Variants in CAMSAP1 observed in about 807,000 individuals in gnomAD.
The protein encoded by CAMSAP1 is calmodulin-regulated spectrin-associated protein 1.
In CAMSAP1, 58 loss-of-function variants were observed where a neutral mutation model predicts 143.5. That is an observed-to-expected ratio of 0.40 (90% CI 0.33 to 0.50). CAMSAP1 has a LOEUF of 0.50. CAMSAP1 is among the 20% of genes least tolerant of loss of function. CAMSAP1 has a pLI of 0.45. For missense variants in CAMSAP1, 1,969 were observed against 2,115.7 expected, an observed-to-expected ratio of 0.93 and a Z score of 1.36; for synonymous variants, 945 against 859.3, an observed-to-expected ratio of 1.10 and a Z score of -1.74.
intron 3 of CAMSAP1, among the ~76,000 whole-genome samples, chr9:135,868,851 C>T (rs904022450): frequency 6.6e-6 from 1 of 151,896 alleles, no homozygotes; most frequent in Non-Finnish European, 1.5e-5. Flanking sequence ...ATCCTGACCT[C>T]GTGATCCACC....
Position 135,881,635 on chromosome 9 carries a change from TG to T in CAMSAP1, c.582del (p.Asn194LysfsTer3). On this transcript the variant is annotated frameshift_variant, in exon 3 of 17. Coordinates refer to ENST00000389532, the MANE Select transcript of CAMSAP1 (RefSeq NM_015447.4). LOFTEE classifies it high-confidence loss of function. ...DLEDAMVFWI[N>X]KVNLKMREIT... is the part of the protein sequence containing the mutation. ...CCACATCTAGGCAGGGCACTCACCT[TG>T]TTGATCCAGAACACCATGGCATCCT... is the stretch of plus-strand genomic sequence containing the variant. The T allele has an allele frequency of 6.4e-7, 1 of 1,551,672 alleles. No homozygotes were observed. Among genetic ancestry groups the T allele is most frequent in the Non-Finnish European group, 8.7e-7 (1 of 1,146,976 alleles).
intron 5 of CAMSAP1, among the ~76,000 whole-genome samples, chr9:135,857,417 C>T (rs1448817790): frequency 2.0e-5 from 3 of 152,136 alleles, no homozygotes; most frequent in South Asian, 2.1e-4. Flanking sequence ...TGGTTTTTGG[C>T]GGCTCTTTAG....
intron 3 of CAMSAP1, among the ~76,000 whole-genome samples, chr9:135,875,028 C>T (rs116889310): frequency 1.1e-3 from 163 of 152,152 alleles, no homozygotes; most frequent in Non-Finnish European, 2.0e-3. Flanking sequence ...CTACACAGAA[C>T]GGAGAGAGAT....
At chr9:135,853,128 T>A (rs927045413) in intron 5 of CAMSAP1, among the ~76,000 whole-genome samples, 1 of 152,134 alleles carries the variant, frequency 6.6e-6, no homozygotes, top group Non-Finnish European at 1.5e-5. Flanking sequence ...GAGTCACCAA[T>A]ACGGAGATGT....
At chr9:135,888,121 C>G (rs1170705024) in intron 1 of CAMSAP1, among the ~76,000 whole-genome samples, 1 of 152,218 alleles carries the variant, frequency 6.6e-6, no homozygotes, top group Non-Finnish European at 1.5e-5. Context: ...CCCAGAGTCC[C>G]AGCTTGGCCT....
chr9:135,895,656 A>G (rs1207983852), intron 1 of CAMSAP1, among the ~76,000 whole-genome samples: 1 of 152,242 alleles, frequency 6.6e-6, no homozygotes, highest in Non-Finnish European at 1.5e-5. Flanking sequence ...AGTAAATACA[A>G]CAGACTACCC....
rs898736090 is a variant in CAMSAP1 at position 135,820,744 on chromosome 9, G to A, written c.3822+95C>T. On this transcript the variant is annotated intron_variant, in intron 11 of 16. Coordinates refer to ENST00000389532, the MANE Select transcript of CAMSAP1 (RefSeq NM_015447.4). The surrounding 1 kb of genome is among the most constrained non-coding windows in gnomAD (Gnocchi z 4.4). The stretch of plus-strand genomic sequence containing the variant: ...CCCCTGGCCTCTTACAGGAGCGGCT[G>A]GCCAGCCTGGTGCAGATCTGTGTTC... 9 of 1,484,920 alleles carry A rather than the reference G, an allele frequency of 6.1e-6. No individual in the cohort carries two copies. The highest frequency in any genetic ancestry group is 9.0e-7 in the Non-Finnish European group (1 of 1,106,268). 92.0% of individuals were successfully genotyped at this position (1,484,920 alleles called of 1,614,324 possible). A position where few individuals can be genotyped will look rare whatever the true frequency, so the allele number is the denominator to read the frequency against.
At chr9:135,895,396 A>G (rs1457812298) in intron 1 of CAMSAP1, among the ~76,000 whole-genome samples, 1 of 152,232 alleles carries the variant, frequency 6.6e-6, no homozygotes, top group Non-Finnish European at 1.5e-5. Context: ...TCTCATCTGA[A>G]GCTATGGAGG....
chr9:135,893,341 AAG>A (rs1838348111), intron 1 of CAMSAP1, among the ~76,000 whole-genome samples: 1 of 151,912 alleles, frequency 6.6e-6, no homozygotes, highest in Non-Finnish European at 1.5e-5. Context: ...AAAAACAAAA[AAG>A]AAAAAGAAAA....
chr9:135,893,875 A>C (rs1451154402), intron 1 of CAMSAP1, among the ~76,000 whole-genome samples: 1 of 152,166 alleles, frequency 6.6e-6, no homozygotes, highest in Non-Finnish European at 1.5e-5. Context: ...CTCTAAGCAC[A>C]ACCATAAACC....
chr9:135,818,896 C>T lies in CAMSAP1; in HGVS notation c.3959+114G>A. Reference sequence around the variant, plus strand: ...AGGTGGTCCATGGGAGGAGTAAGACCGTCACAGGCACTCATTGCCATGGTC... The same window carrying T: ...AGGTGGTCCATGGGAGGAGTAAGACTGTCACAGGCACTCATTGCCATGGTC... On this transcript the variant is annotated intron_variant, in intron 12 of 16. Coordinates refer to ENST00000389532, the MANE Select transcript of CAMSAP1 (RefSeq NM_015447.4). The surrounding 1 kb of genome is among the most constrained non-coding windows in gnomAD (Gnocchi z 7.7). The T allele has an allele frequency of 1.4e-6, 2 of 1,462,826 alleles. No homozygotes were observed. The highest frequency in any genetic ancestry group is 2.5e-5 in the East Asian group (1 of 40,560). 90.6% of individuals were successfully genotyped at this position (1,462,826 alleles called of 1,614,324 possible).
In CAMSAP1 at chr9:135,862,614, GT is replaced by G. The variant is rs1837239090; in HGVS notation, c.667-7del. ...TGCTCTCGTCGATAGCGGACCTGTAGTTGATAAAAGGAAAACGGTCTCTGCA... is the reference window on the plus strand; with the variant it reads ...TGCTCTCGTCGATAGCGGACCTGTAGTGATAAAAGGAAAACGGTCTCTGCA... On this transcript the variant is annotated splice_region_variant and splice_polypyrimidine_tract_variant and intron_variant, in intron 4 of 16. Coordinates refer to ENST00000389532, the MANE Select transcript of CAMSAP1 (RefSeq NM_015447.4). 1 of 1,551,480 alleles carries G rather than the reference GT, an allele frequency of 6.4e-7. No individual in the cohort carries two copies. Among genetic ancestry groups the G allele is most frequent in the Admixed American group, 2.0e-5 (1 of 50,976 alleles).
chr9:135,905,438 T>A (rs1475479398), intron 1 of CAMSAP1, among the ~76,000 whole-genome samples: 1 of 152,122 alleles, frequency 6.6e-6, no homozygotes, highest in East Asian at 1.9e-4. Flanking sequence ...ACATATAAAA[T>A]CTTAAAAAAC....
At chr9:135,836,621 T>C in intron 7 of CAMSAP1, 2 of 984,518 alleles carry the variant, frequency 2.0e-6, no homozygotes, top group Non-Finnish European at 2.4e-6. Flanking sequence ...ACGTACCTTC[T>C]ACCCTGTTCT....
chr9:135,893,809 G>A (rs963481708), intron 1 of CAMSAP1, among the ~76,000 whole-genome samples: 1 of 152,218 alleles, frequency 6.6e-6, no homozygotes, highest in South Asian at 2.1e-4. Context: ...CAAGCAGCCA[G>A]AAGGAATTTC....
chr9:135,859,691 C>T (rs1238274866), intron 5 of CAMSAP1, among the ~76,000 whole-genome samples: 1 of 151,834 alleles, frequency 6.6e-6, no homozygotes, highest in Non-Finnish European at 1.5e-5. Flanking sequence ...CGCGCCTGGC[C>T]GTAACTCTGC....
At chr9:135,904,972 A>G (rs1057419134) in intron 1 of CAMSAP1, among the ~76,000 whole-genome samples, 1 of 152,174 alleles carries the variant, frequency 6.6e-6, no homozygotes, top group Non-Finnish European at 1.5e-5. Context: ...CTCAAAAAAA[A>G]AAAAAAAAGT....
chr9:135,890,133 C>G (rs963743745), intron 1 of CAMSAP1, among the ~76,000 whole-genome samples: 8 of 152,158 alleles, frequency 5.3e-5, no homozygotes, highest in African/African-American at 1.9e-4. Context: ...ACAGTGCACA[C>G]AGCTCACACC....
intron 7 of CAMSAP1, among the ~76,000 whole-genome samples, chr9:135,843,043 C>G (rs1836416723): frequency 1.3e-5 from 2 of 151,996 alleles, no homozygotes; most frequent in Non-Finnish European, 2.9e-5. Context: ...AAGACACAGA[C>G]TGGGCCGGGT....
Sources: allele counts gnomAD v4.1 joint callset (sites outside exome capture counted in the v4.1 genomes callset), GRCh38; gene constraint gnomAD v4.1.1; non-coding constraint Gnocchi (gnomAD v3.1); transcripts MANE v1.5; gene names NCBI Gene and HGNC (gene_info 2026-07-23, HGNC 2026-07-21).